SHANK1: variants seen among roughly 807,000 people sequenced by gnomAD.
SHANK1 encodes SH3 and multiple ankyrin repeat domains protein 1.
In SHANK1, 35 loss-of-function variants were observed where a neutral mutation model predicts 165.6. The observed-to-expected ratio is 0.21, with a 90% CI of 0.16 to 0.28. The LOEUF (loss-of-function observed/expected upper bound fraction) is 0.28, where lower values mean the gene tolerates loss of function less well. Among genes scored for constraint, SHANK1 ranks in the 10% least tolerant of loss-of-function variants. The probability of loss-of-function intolerance (pLI) is 1.00; values close to 1 mark genes in which losing one functional copy is unlikely to be tolerated. For missense variants in SHANK1, 2,681 were observed against 3,036.4 expected (o/e 0.88, Z 2.75); for synonymous variants, 1,428 against 1,384.8 (o/e 1.03, Z -0.69).
At chr19:50,682,030 C>G (rs760792631) in intron 21 of SHANK1, among the ~76,000 whole-genome samples, 6 of 151,902 alleles carry the variant, frequency 3.9e-5, no homozygotes, top group Admixed American at 2.6e-4. Context: ...AGGTGTGAAC[C>G]ACTGTACCTG....
chr19:50,689,128 C>T (rs369379586), intron 16 of SHANK1, 69 bp downstream of exon 16: 4 of 1,340,182 alleles, frequency 3.0e-6, no homozygotes, highest in Non-Finnish European at 4.3e-6. Flanking sequence ...CCCTTTCCAG[C>T]CCCCATTTTC....
chr19:50,689,309 T>TGGGGGGGGG, intron 15 of SHANK1, 30 bp from the exon 16 acceptor site: 4 of 1,037,148 alleles, frequency 3.9e-6, no homozygotes, highest in Non-Finnish European at 5.9e-6. Context: ...AATGGGGGGG[T>TGGGGGGGGG]GGTGGGGGGA....
In SHANK1 at chr19:50,717,673, G is replaced by A. The variant is rs1341771205; in HGVS notation, c.-43-711C>T. Among the ~76,000 whole-genome samples, 2 of 152,170 alleles carry A rather than the reference G, an allele frequency of 1.3e-5. No individual in the cohort carries two copies. Among genetic ancestry groups the A allele is most frequent in the African/African-American group, 4.8e-5 (2 of 41,418 alleles). The stretch of plus-strand genomic sequence containing the variant: ...TTTTGGAGACTGGGGCATCTTGAGA[G>A]GGTGTGCGGGTAGGTGGGGAGGTCG... On this transcript the variant is annotated intron_variant, in intron 1 of 23. Transcript: ENST00000293441. This position sits in a 1 kb window ranked among gnomAD's most constrained non-coding sequence, Gnocchi z 5.5.
At position 50,703,802 on chromosome 19, in the gene SHANK1, C is replaced by A; in HGVS notation, c.1251G>T (p.Ala417=). ...TGCCTGGGGGCCCCCGTCGCCGGGC[C>A]GCGTACTTGGGGGACTCCTGGAAGG... ...VVPFQESPKY[A]ARRRGPPGTG... Residue 417 remains alanine (A), a synonymous_variant, in exon 11 of 24, where the codon GCG becomes GCT. Transcript: ENST00000293441. The A allele has an allele frequency of 7.0e-7, 1 of 1,427,056 alleles. No homozygotes were observed. Among genetic ancestry groups the A allele is most frequent in the South Asian group, 1.5e-5 (1 of 66,892 alleles). The allele number at this position is 1,427,056 out of a possible 1,614,324, so 88.4% of individuals were successfully genotyped here.
chr19:50,679,339 A>G (rs1386170090), intron 21 of SHANK1, among the ~76,000 whole-genome samples: 1 of 151,688 alleles, frequency 6.6e-6, no homozygotes, highest in African/African-American at 2.4e-5. Flanking sequence ...TTGCAAGCTG[A>G]CAAAAGACAC....
rs781115109 is a variant in SHANK1, at chr19:50,662,532, G to T, written c.5919C>A (p.Ala1973=). 6.4e-7 allele frequency: 1 copy of T among 1,559,884 alleles called. No homozygotes were observed. Among genetic ancestry groups the T allele is most frequent in the Non-Finnish European group, 8.7e-7 (1 of 1,151,734 alleles). ...GGCGGGTGGACGTGGAGGAGGAGGA[G>T]GCTGAGGGTGAGGTGGCCCCTGGGG... The part of the protein sequence containing the change: ...AAAPGATSPS[A]SSSSTSTRHL... The change falls in exon 24 of 24, where the codon GCC becomes GCA. Residue 1973 remains alanine, a synonymous_variant. Coordinates refer to ENST00000293441, the MANE Select transcript of SHANK1 (RefSeq NM_016148.5). The surrounding 1 kb of genome is among the most constrained non-coding windows in gnomAD (Gnocchi z 7.7).
At position 50,667,000 on chromosome 19, in the gene SHANK1, C is replaced by T. The variant is rs1985552118; in HGVS notation, c.4960G>A (p.Ala1654Thr). The T allele has an allele frequency of 1.3e-6, 2 of 1,566,278 alleles. No homozygotes were observed. ...DPHPPGPPAP[A>T]APAPAAPQPG... Reference sequence around the variant, plus strand: ...TGTGGGGCAGCGGGAGCCGGTGCTGCTGGGGCAGGCGGGCCTGGTGGATGG... The same window carrying T: ...TGTGGGGCAGCGGGAGCCGGTGCTGTTGGGGCAGGCGGGCCTGGTGGATGG... Residue 1654 changes from alanine (A) to threonine (T), a missense_variant, in exon 23 of 24, where the codon GCA becomes ACA. Physicochemically the swap from Ala to Thr is moderately conservative, Grantham distance 58 (BLOSUM62 0). Around this residue, in one of 10 missense-constraint regions of SHANK1, gnomAD observed 1,713 missense variants for 1,630.2 expected, o/e 1.05. Transcript: ENST00000293441.
chr19:50,701,123 C>T (rs896376998), intron 12 of SHANK1, among the ~76,000 whole-genome samples: 3 of 151,960 alleles, frequency 2.0e-5, no homozygotes, highest in Non-Finnish European at 1.5e-5. Context: ...AGGATCCTCC[C>T]TGCTTATTCA....
At chr19:50,707,217 C>A (rs1244375498) in intron 8 of SHANK1, among the ~76,000 whole-genome samples, 3 of 152,218 alleles carry the variant, frequency 2.0e-5, no homozygotes, top group Non-Finnish European at 2.9e-5. Context: ...CTCCTCTACA[C>A]CATAAGTTGT....
Position 50,716,598 on chromosome 19 carries a change from A to C in SHANK1, c.255+67T>G. The C allele has an allele frequency of 1.3e-6, 2 of 1,554,608 alleles. No homozygotes were observed. On this transcript the variant is annotated intron_variant, in intron 2 of 23. Coordinates refer to ENST00000293441, the MANE Select transcript of SHANK1 (RefSeq NM_016148.5). This position sits in a 1 kb window ranked among gnomAD's most constrained non-coding sequence, Gnocchi z 8.4. ...GATTCCTGGGAGGATACCCAGCACCAGTGGACTCCCCATGTCGGTTGGGGC... is the reference window on the plus strand; with the variant it reads ...GATTCCTGGGAGGATACCCAGCACCCGTGGACTCCCCATGTCGGTTGGGGC...
At position 50,678,208 on chromosome 19, in the gene SHANK1, G is replaced by A. The variant is rs184944681; in HGVS notation, c.2578-6094C>T. On this transcript the variant is annotated intron_variant, in intron 21 of 23. Coordinates refer to ENST00000293441, the MANE Select transcript of SHANK1 (RefSeq NM_016148.5). ...GTAAGGAGGAGATTCAAGATGCATCGGAGAAAAGAGGTCAGAGTGGCTCAA... is the reference window on the plus strand; with the variant it reads ...GTAAGGAGGAGATTCAAGATGCATCAGAGAAAAGAGGTCAGAGTGGCTCAA... 2.3e-3 allele frequency among the ~76,000 whole-genome samples: 357 copies of A among 152,260 alleles called. 1 individual carries two copies. Among genetic ancestry groups the A allele is most frequent in the African/African-American group, 7.0e-3 (289 of 41,536 alleles).
At position 50,703,637 on chromosome 19, in the gene SHANK1, C is replaced by T. The variant is rs373925180; in HGVS notation, c.1416G>A (p.Ser472=). 16 of 1,541,456 alleles carry T rather than the reference C, an allele frequency of 1.0e-5. No homozygotes were observed. The African/African-American group carries it at 1.5e-4, about 14-fold the overall frequency. Residue 472 remains serine (S), a synonymous_variant, in exon 11 of 24, where the codon TCG becomes TCA. Transcript: ENST00000293441. ...PGPTSGSQGQ[S]QPSAPTTKLS... ...GCTTGGTGGTGGGGGCCGAGGGCTGCGACTGGCCCTGGGACCCTGAGGTAG... is the reference window on the plus strand; with the variant it reads ...GCTTGGTGGTGGGGGCCGAGGGCTGTGACTGGCCCTGGGACCCTGAGGTAG...
At position 50,697,906 on chromosome 19, in the gene SHANK1, C is replaced by A. The variant is rs746245872; in HGVS notation, c.1798G>T (p.Val600Phe). The part of the protein sequence containing the change: ...GFWEGQVKGR[V>F]GWFPSDCLEE... ...AGGCAGTCAGAGGGGAACCAGCCAA[C>A]ACGACCTTTGACCTGGCCTTCCCAG... Residue 600 changes from valine (V) to phenylalanine (F), a missense_variant, in exon 13 of 24, where the codon GTT becomes TTT. Transcript: ENST00000293441. This position sits in a 1 kb window ranked among gnomAD's most constrained non-coding sequence, Gnocchi z 4.7. 1 of 1,614,018 alleles carries A rather than the reference C, an allele frequency of 6.2e-7. No homozygotes were observed. Among genetic ancestry groups the A allele is most frequent in the African/African-American group, 1.3e-5 (1 of 74,920 alleles).
chr19:50,695,011 C>T (rs1986686585), intron 15 of SHANK1, among the ~76,000 whole-genome samples: 1 of 148,992 alleles, frequency 6.7e-6, no homozygotes, highest in South Asian at 2.1e-4. Flanking sequence ...GCCCCCGAGA[C>T]CCCCGCCGCC....
chr19:50,708,809 C>CA (rs924808416), intron 8 of SHANK1, among the ~76,000 whole-genome samples: 6 of 152,180 alleles, frequency 3.9e-5, no homozygotes, highest in African/African-American at 1.4e-4. Flanking sequence ...ACTCACTCAA[C>CA]AAAGATGGAA....
In SHANK1 at chr19:50,718,464, C is replaced by G. The variant is rs1194147869; in HGVS notation, c.-44+942G>C. ...GAAAAGCTGGCTAGGGCCCCCCGCG[C>G]GTACGGCTGCCCCAGCCCCCCCGGG... is the stretch of plus-strand genomic sequence containing the variant. On this transcript the variant is annotated intron_variant, in intron 1 of 23. Coordinates refer to ENST00000293441, the MANE Select transcript of SHANK1 (RefSeq NM_016148.5). This position sits in a 1 kb window ranked among gnomAD's most constrained non-coding sequence, Gnocchi z 5.1. Among the ~76,000 whole-genome samples the G allele has an allele frequency of 6.6e-6, 1 of 152,018 alleles. No individual in the cohort carries two copies. Among genetic ancestry groups the G allele is most frequent in the Non-Finnish European group, 1.5e-5 (1 of 67,952 alleles).
rs1404557076 is a variant in SHANK1, at chr19:50,699,641, C to T, written c.1748-1685G>A. On this transcript the variant is annotated intron_variant, in intron 12 of 23. Coordinates refer to ENST00000293441, the MANE Select transcript of SHANK1 (RefSeq NM_016148.5). ...TGGAGGAATGGAGGGGTTGGTATAT[C>T]GGAGGACTGGAGAATTGGAGGGCTC... Among the ~76,000 whole-genome samples, 7 of 151,730 alleles carry T rather than the reference C, an allele frequency of 4.6e-5. No homozygotes were observed. In the East Asian group the frequency reaches 9.6e-4, roughly 21 times the overall value.
intron 19 of SHANK1, chr19:50,687,146 G>C (rs530871351): frequency 2.1e-5 from 13 of 622,556 alleles, no homozygotes; most frequent in South Asian, 8.4e-5. Flanking sequence ...CGGGGTGGGG[G>C]CGGTCAGCTG....
rs1283507285 is a variant in SHANK1, at chr19:50,669,323, C to T, written c.2675-38G>A. ...AGAGGCTCAAGGAGGGGGACCCTGG[C>T]GGGGAGGGTCTCCCTGCTCCACTAT... On this transcript the variant is annotated intron_variant, in intron 22 of 23. Coordinates refer to ENST00000293441, the MANE Select transcript of SHANK1 (RefSeq NM_016148.5). 1.3e-5 allele frequency: 18 copies of T among 1,423,664 alleles called. No homozygotes were observed. The East Asian group carries it at 1.7e-4, about 13-fold the overall frequency. 88.2% of individuals were successfully genotyped at this position (1,423,664 alleles called of 1,614,324 possible). A position where few individuals can be genotyped will look rare whatever the true frequency, so the allele number is the denominator to read the frequency against.
Sources: gnomAD v4.1 joint callset for allele counts (sites outside exome capture counted in the v4.1 genomes callset) on GRCh38, gnomAD v4.1.1 for gene constraint, gnomAD v4.1.1 regional missense constraint, Gnocchi (gnomAD v3.1) non-coding constraint, MANE v1.5 for transcripts, NCBI Gene and HGNC (gene_info 2026-07-23, HGNC 2026-07-21) for gene names.